PLEKHH2: variants seen among roughly 807,000 people sequenced by gnomAD.
PLEKHH2 encodes the protein pleckstrin homology domain-containing family H member 2.
Under a neutral mutation model 187.9 loss-of-function variants are expected in PLEKHH2, and 129 were observed. The ratio of observed to expected loss-of-function variants is 0.69; its 90% CI spans 0.59 to 0.79. The LOEUF (loss-of-function observed/expected upper bound fraction) is 0.79, where lower values mean the gene tolerates loss of function less well. Among genes scored for constraint, PLEKHH2 ranks in the 30% least tolerant of loss-of-function variants. The pLI is 0.00. For synonymous variants in PLEKHH2, 686 were observed against 605.6 expected, an observed-to-expected ratio of 1.13 and a Z score of -1.95; for missense variants, 2,076 against 1,751.2, an observed-to-expected ratio of 1.19 and a Z score of -3.31.
intron 16 of PLEKHH2, among the ~76,000 whole-genome samples, chr2:43,721,240 A>C (rs1670464270): frequency 6.6e-6 from 1 of 152,214 alleles, no homozygotes; most frequent in Admixed American, 6.5e-5. Flanking sequence ...AATTATTTTA[A>C]ATTTCAGAAT....
intron 2 of PLEKHH2, among the ~76,000 whole-genome samples, chr2:43,656,338 T>G (rs1245210720): frequency 6.6e-6 from 1 of 152,230 alleles, no homozygotes; most frequent in Non-Finnish European, 1.5e-5. Flanking sequence ...GGTATATGTT[T>G]ATACAGTTTG....
At chr2:43,723,130 AG>A (rs1670564787) in intron 16 of PLEKHH2, among the ~76,000 whole-genome samples, 1 of 152,242 alleles carries the variant, frequency 6.6e-6, no homozygotes, top group South Asian at 2.1e-4. Context: ...TTGTGCCTAA[AG>A]TACACAATTA....
chr2:43,681,033 C>G (rs1005713564), intron 3 of PLEKHH2: 2 of 1,281,242 alleles, frequency 1.6e-6, no homozygotes, highest in Non-Finnish European at 2.1e-6. Context: ...AGAATGCCAA[C>G]TGGAATTCCT....
At chr2:43,720,834 T>C in intron 16 of PLEKHH2, 85 bp downstream of exon 16, 1 of 1,497,106 alleles carries the variant, frequency 6.7e-7, no homozygotes, top group South Asian at 1.3e-5. Context: ...TTCTCTTACT[T>C]TGTAAAACTT....
intron 26 of PLEKHH2, 82 bp downstream of exon 26, chr2:43,757,346 G>A (rs1301473458): frequency 7.9e-6 from 9 of 1,135,868 alleles, no homozygotes; most frequent in Non-Finnish European, 9.3e-6. Flanking sequence ...TTTTAAAGGT[G>A]AAAAACATTT....
chr2:43,714,977 G>A (rs1002630593), intron 15 of PLEKHH2, among the ~76,000 whole-genome samples: 1 of 152,088 alleles, frequency 6.6e-6, no homozygotes, highest in Non-Finnish European at 1.5e-5. Flanking sequence ...CTAGGAGACA[G>A]CGCGAATGAA....
chr2:43,698,922 G>A (rs553666792), intron 7 of PLEKHH2, among the ~76,000 whole-genome samples: 1 of 152,264 alleles, frequency 6.6e-6, no homozygotes, highest in Non-Finnish European at 1.5e-5. Context: ...TAAACCAAAA[G>A]TAGAGCAAGG....
chr2:43,700,487 G>A lies in PLEKHH2; in HGVS notation c.1529G>A (p.Gly510Glu), dbSNP rs1288710746. ...AATATGGACACGAGTTGTGATGATGGATTATTTTCCTATGACTCCTTGGAC... is the reference window on the plus strand; with the variant it reads ...AATATGGACACGAGTTGTGATGATGAATTATTTTCCTATGACTCCTTGGAC... ...LENMDTSCDD[G>E]LFSYDSLDSP... Residue 510 changes from glycine to glutamate, a missense_variant, in exon 8 of 30, where the codon GGA (glycine) becomes GAA (glutamate). Transcript: ENST00000282406. 9 of 1,613,908 alleles carry A rather than the reference G, an allele frequency of 5.6e-6. No individual in the cohort carries two copies. In the South Asian group the frequency reaches 7.7e-5, roughly 14 times the overall value.
At position 43,710,270 on chromosome 2, in the gene PLEKHH2, GT is replaced by G; in HGVS notation, c.2155del (p.Ser719LeufsTer23). 1 of 1,614,154 alleles carries G rather than the reference GT, an allele frequency of 6.2e-7. No individual in the cohort carries two copies. The highest frequency in any genetic ancestry group is 8.5e-7 in the Non-Finnish European group (1 of 1,180,012). Reference sequence around the variant, plus strand: ...TATTAAAAATGAGTGGTAAAGTCAAGTCTTGGAAGCGGCGGTGGTTTGTTCT... The same window carrying G: ...TATTAAAAATGAGTGGTAAAGTCAAGCTTGGAAGCGGCGGTGGTTTGTTCT... ...YLLKMSGKVK[S>X]WKRRWFVLKG... On this transcript the variant is annotated frameshift_variant, in exon 13 of 30. Coordinates refer to ENST00000282406, the MANE Select transcript of PLEKHH2 (RefSeq NM_172069.4). LOFTEE classifies it high-confidence loss of function.
chr2:43,692,740 C>T (rs1668872853), intron 4 of PLEKHH2, 77 bp downstream of exon 4: 1 of 1,445,286 alleles, frequency 6.9e-7, no homozygotes, highest in African/African-American at 1.4e-5. Flanking sequence ...AAAGAGAGAG[C>T]CTAAATTTCT....
At chr2:43,715,462 AT>A (rs1165422453) in intron 15 of PLEKHH2, among the ~76,000 whole-genome samples, 1 of 152,160 alleles carries the variant, frequency 6.6e-6, no homozygotes, top group Non-Finnish European at 1.5e-5. Context: ...GCATGGGCAT[AT>A]TCATGTTGCT....
chr2:43,697,271 G>A lies in PLEKHH2; in HGVS notation c.603G>A (p.Arg201=). ...LTFGCFLSRA[R]SPPQVVKSEE... is the part of the protein sequence containing the mutation. ...TTGGGTGCTTTTTATCTCGAGCAAGGAGTCCTCCTCAAGTAGTAAAATCTG... is the reference window on the plus strand; with the variant it reads ...TTGGGTGCTTTTTATCTCGAGCAAGAAGTCCTCCTCAAGTAGTAAAATCTG... The change falls in exon 7 of 30, where the codon AGG becomes AGA. Residue 201 remains arginine, a synonymous_variant. Coordinates refer to ENST00000282406, the MANE Select transcript of PLEKHH2 (RefSeq NM_172069.4). 1 of 1,613,872 alleles carries A rather than the reference G, an allele frequency of 6.2e-7. No homozygotes were observed. The highest frequency in any genetic ancestry group is 8.5e-7 in the Non-Finnish European group (1 of 1,179,798).
Position 43,706,401 on chromosome 2 carries a change from TACAACTTTGAAG to T in PLEKHH2, c.1807_1818del (p.Thr603_Lys606del). On this transcript the variant is annotated inframe_deletion, in exon 10 of 30. Coordinates refer to ENST00000282406, the MANE Select transcript of PLEKHH2 (RefSeq NM_172069.4). ...ACAAGAACATGACCACCCCAGTGTA[TACAACTTTGAAG>T]GGGGTAACTCATTATTGTTATTGTT... is the stretch of plus-strand genomic sequence containing the variant. 2.5e-6 allele frequency: 4 copies of T among 1,591,202 alleles called. No individual in the cohort carries two copies. Among genetic ancestry groups the T allele is most frequent in the Non-Finnish European group, 3.4e-6 (4 of 1,159,684 alleles).
chr2:43,671,420 G>A, intron 2 of PLEKHH2, among the ~76,000 whole-genome samples: 1 of 151,598 alleles, frequency 6.6e-6, no homozygotes, highest in East Asian at 1.9e-4. Flanking sequence ...TGTCATCTGT[G>A]AATAAATATT....
intron 2 of PLEKHH2, among the ~76,000 whole-genome samples, chr2:43,656,348 G>C (rs1666760258): frequency 6.6e-6 from 1 of 152,150 alleles, no homozygotes; most frequent in Non-Finnish European, 1.5e-5. Context: ...TATACAGTTT[G>C]TGGAATGGAA....
At chr2:43,681,015 G>C in intron 3 of PLEKHH2, 2 of 1,261,498 alleles carry the variant, frequency 1.6e-6, no homozygotes, top group Non-Finnish European at 2.2e-6. Flanking sequence ...AAAGTCACCT[G>C]TTCCCTCAGA....
chr2:43,692,765 A>G (rs2104465114), intron 4 of PLEKHH2, 102 bp downstream of exon 4: 3 of 1,281,936 alleles, frequency 2.3e-6, no homozygotes, highest in Non-Finnish European at 3.3e-6. Flanking sequence ...TTGGGGAGAA[A>G]TATTGCTTAT....
At chr2:43,689,405 A>C (rs1408718974) in intron 3 of PLEKHH2, among the ~76,000 whole-genome samples, 2 of 152,246 alleles carry the variant, frequency 1.3e-5, no homozygotes, top group East Asian at 3.8e-4. Context: ...TTTAACAAGC[A>C]ATTTGAATTC....
intron 25 of PLEKHH2, among the ~76,000 whole-genome samples, chr2:43,754,695 T>C (rs775943598): frequency 1.3e-5 from 2 of 152,312 alleles, no homozygotes; most frequent in Non-Finnish European, 2.9e-5. Context: ...CTCTGCCATA[T>C]GGCATCTGGA....
Sources: gnomAD v4.1 joint callset for allele counts (sites outside exome capture counted in the v4.1 genomes callset) on GRCh38, gnomAD v4.1.1 for gene constraint, MANE v1.5 for transcripts, NCBI Gene and HGNC (gene_info 2026-07-23, HGNC 2026-07-21) for gene names.